Variants in ZNF600 observed in about 807,000 individuals in gnomAD.
ZNF600 encodes the protein zinc finger protein 600, also known as zinc finger protein KR-ZNF1.
Under a neutral mutation model 7.3 loss-of-function variants are expected in ZNF600, and 4 were observed. The ratio of observed to expected loss-of-function variants is 0.55; its 90% CI spans 0.27 to 1.25. The LOEUF (loss-of-function observed/expected upper bound fraction) is 1.25, where lower values mean the gene tolerates loss of function less well. ZNF600 is among the 50% of genes most tolerant of loss of function. The pLI is 0.12. For missense variants in ZNF600, 911 were observed against 922.1 expected (o/e 0.99, Z 0.16); for synonymous variants, 290 against 308.9 (o/e 0.94, Z 0.64).
exon 4 of ZNF600, chr19:52,765,971 T>C: frequency 6.2e-7 from 1 of 1,614,236 alleles, no homozygotes; most frequent in South Asian, 1.1e-5. Flanking sequence ...TTGCCAGGTA[T>C]GAATTACGCA....
At chr19:52,815,073 ATGTGTGTATG>A in the ZNF600 span, among the ~76,000 whole-genome samples, 1 of 120,522 alleles carries the variant, frequency 8.3e-6, no homozygotes, top group African/African-American at 3.3e-5. Context: ...ATGTATAGAT[ATGTGTGTATG>A]TGTGTGTATA....
chr19:52,799,343 C>A, the ZNF600 span: 1 of 500,050 alleles, frequency 2.0e-6, no homozygotes, highest in Admixed American at 3.5e-5. Context: ...TGTCATAAAC[C>A]TTACATCTGT....
chr19:52,777,270 C>T (rs1389562802), intron 2 of ZNF600, among the ~76,000 whole-genome samples: 3 of 151,472 alleles, frequency 2.0e-5, no homozygotes, highest in Non-Finnish European at 4.4e-5. Flanking sequence ...CCCAGATACT[C>T]GGGAGGCTGA....
intron 3 of ZNF600, among the ~76,000 whole-genome samples, chr19:52,768,998 G>A (rs2062610871): frequency 1.3e-5 from 2 of 152,176 alleles, no homozygotes; most frequent in Admixed American, 1.3e-4. Flanking sequence ...GTGACCAGAA[G>A]ACAAGAGTGC....
At chr19:52,831,103 C>T in the ZNF600 span, among the ~76,000 whole-genome samples, 4 of 152,126 alleles carry the variant, frequency 2.6e-5, no homozygotes, top group African/African-American at 9.7e-5. Flanking sequence ...CAAGCATATA[C>T]TCAACAATAT....
rs377608074 is a variant in ZNF600 at position 52,781,828 on chromosome 19, C to T, written c.-19-2921G>A. 1.6e-4 allele frequency among the ~76,000 whole-genome samples: 24 copies of T among 151,772 alleles called. No individual in the cohort carries two copies. The South Asian group carries it at 2.9e-3, about 18-fold the overall frequency. On this transcript the variant is annotated intron_variant, in intron 1 of 3. Transcript: ENST00000648973. ...CTGTAATCTCAACACTTTGGGAGGC[C>T]GAAGTGGGTGGATCACAAGGCCAGG... is the stretch of plus-strand genomic sequence containing the variant.
At chr19:52,779,251 C>T (rs184369873) in intron 1 of ZNF600, among the ~76,000 whole-genome samples, 1 of 152,184 alleles carries the variant, frequency 6.6e-6, no homozygotes, top group Non-Finnish European at 1.5e-5. Flanking sequence ...TGAGCTCAGC[C>T]CTCAGAAATG....
upstream of ZNF600, among the ~76,000 whole-genome samples, chr19:52,787,843 G>C (rs1051689431): frequency 4.3e-5 from 6 of 139,582 alleles, no homozygotes; most frequent in Non-Finnish European, 9.2e-5. Context: ...CTGGGCGACA[G>C]AGCGAGGCTA....
the ZNF600 span, chr19:52,800,579 A>G: frequency 6.2e-7 from 1 of 1,612,780 alleles, no homozygotes; most frequent in Non-Finnish European, 8.5e-7. Flanking sequence ...GGTATGAATT[A>G]TATGCAAAAG....
the ZNF600 span, among the ~76,000 whole-genome samples, chr19:52,818,679 C>T: frequency 6.6e-6 from 1 of 150,758 alleles, no homozygotes; most frequent in African/African-American, 2.4e-5. Flanking sequence ...TCCACTCCTG[C>T]CTGGGTGACA....
downstream of ZNF600, chr19:52,764,523 T>A (rs2062553603): frequency 6.6e-6 from 1 of 150,718 alleles, no homozygotes; most frequent in Admixed American, 6.6e-5. Flanking sequence ...ATATCCTTTT[T>A]TTTTTTTTTT....
the ZNF600 span, among the ~76,000 whole-genome samples, chr19:52,794,697 T>C: frequency 1.3e-5 from 2 of 151,906 alleles, no homozygotes; most frequent in African/African-American, 2.4e-5. Flanking sequence ...CTACCAAAAG[T>C]ATAAAAAATT....
the ZNF600 span, among the ~76,000 whole-genome samples, chr19:52,827,620 C>T: frequency 2.0e-5 from 3 of 151,514 alleles, no homozygotes; most frequent in African/African-American, 7.3e-5. Flanking sequence ...TGTCTGCTCA[C>T]TGCAAGTTCC....
chr19:52,811,621 G>A, the ZNF600 span, among the ~76,000 whole-genome samples: 10 of 142,910 alleles, frequency 7.0e-5, no homozygotes, highest in African/African-American at 1.4e-4. Context: ...CTGCCCGGCC[G>A]CCCCGTCTGA....
chr19:52,796,421 T>C, the ZNF600 span, among the ~76,000 whole-genome samples: 1 of 152,186 alleles, frequency 6.6e-6, no homozygotes, highest in African/African-American at 2.4e-5. Flanking sequence ...AGATAACAAA[T>C]GATCACATTC....
chr19:52,802,568 T>A, the ZNF600 span, among the ~76,000 whole-genome samples: 1 of 151,726 alleles, frequency 6.6e-6, no homozygotes, highest in African/African-American at 2.4e-5. Context: ...TCCCAGCTAC[T>A]TGGGAGGCTG....
the ZNF600 span, chr19:52,800,697 T>C: frequency 6.2e-7 from 1 of 1,613,992 alleles, no homozygotes; most frequent in Non-Finnish European, 8.5e-7. Context: ...TTCACATTCA[T>C]AAGGTTTCTC....
the ZNF600 span, among the ~76,000 whole-genome samples, chr19:52,814,589 C>CA: frequency 7.3e-6 from 1 of 137,314 alleles, no homozygotes; most frequent in South Asian, 2.5e-4. Context: ...GACTTTGTCT[C>CA]AAAAAGAAAA....
the ZNF600 span, among the ~76,000 whole-genome samples, chr19:52,815,101 T>TTTA: frequency 7.1e-6 from 1 of 139,898 alleles, no homozygotes; most frequent in East Asian, 2.0e-4. Flanking sequence ...ATATATATAT[T>TTTA]TATATATATA....
Sources: gnomAD v4.1 joint callset for allele counts (sites outside exome capture counted in the v4.1 genomes callset) on GRCh38, gnomAD v4.1.1 for gene constraint, MANE v1.5 for transcripts, NCBI Gene and HGNC (gene_info 2026-07-23, HGNC 2026-07-21) for gene names.